Variants in CNBD1 observed in about 807,000 individuals in gnomAD.
CNBD1 encodes the protein cyclic nucleotide-binding domain-containing protein 1.
A neutral mutation model predicts 54.4 loss-of-function variants in CNBD1; 71 were observed. That is an observed-to-expected ratio of 1.30 (90% CI 1.08 to 1.59). CNBD1 has a LOEUF of 1.59. Among genes scored for constraint, CNBD1 ranks in the 40% most tolerant of loss-of-function variants. The pLI is 0.00. For missense variants in CNBD1, 659 were observed against 518.0 expected (o/e 1.27, Z -2.64); for synonymous variants, 182 against 170.7 (o/e 1.07, Z -0.51).
At chr8:87,372,509 T>C (rs996640012) in intron 10 of CNBD1, among the ~76,000 whole-genome samples, 1 of 151,914 alleles carries the variant, frequency 6.6e-6, no homozygotes, top group Admixed American at 6.6e-5. Flanking sequence ...CTGGGTTGAT[T>C]TTCTGTTTTA....
intron 6 of CNBD1, among the ~76,000 whole-genome samples, chr8:87,268,574 A>G (rs1423254458): frequency 7.9e-5 from 12 of 151,842 alleles, no homozygotes; most frequent in Admixed American, 7.9e-4. Flanking sequence ...GCATTGTGGG[A>G]ATGTAACCTC....
intron 4 of CNBD1, among the ~76,000 whole-genome samples, chr8:86,961,612 TC>T (rs978253618): frequency 2.0e-5 from 3 of 152,310 alleles, no homozygotes; most frequent in South Asian, 2.1e-4. Flanking sequence ...CCCTGGGATG[TC>T]CCCCTGTGGG....
chr8:87,062,592 C>T (rs1276285577), intron 4 of CNBD1, among the ~76,000 whole-genome samples: 1 of 151,980 alleles, frequency 6.6e-6, no homozygotes, highest in East Asian at 1.9e-4. Context: ...ACAAAATCAG[C>T]TGGGCATGGT....
At chr8:87,227,606 A>T (rs1814534173) in intron 5 of CNBD1, among the ~76,000 whole-genome samples, 1 of 127,018 alleles carries the variant, frequency 7.9e-6, no homozygotes. Flanking sequence ...CTGCCGAGAG[A>T]TCCGCTGTTA....
chr8:86,903,146 C>T (rs1017475432), intron 2 of CNBD1, among the ~76,000 whole-genome samples: 1 of 152,072 alleles, frequency 6.6e-6, no homozygotes, highest in African/African-American at 2.4e-5. Context: ...TTCTTGGACA[C>T]ACTACTTTTG....
intron 3 of CNBD1, among the ~76,000 whole-genome samples, chr8:86,929,281 C>G (rs956179617): frequency 1.3e-5 from 2 of 152,110 alleles, no homozygotes; most frequent in African/African-American, 4.8e-5. Flanking sequence ...CATATTGTAC[C>G]ATGGGCATGT....
intron 4 of CNBD1, among the ~76,000 whole-genome samples, chr8:86,978,757 C>T (rs1808402023): frequency 6.6e-6 from 1 of 151,860 alleles, no homozygotes; most frequent in Non-Finnish European, 1.5e-5. Flanking sequence ...TGGTCTCGAA[C>T]TCCCGACCTC....
intron 4 of CNBD1, among the ~76,000 whole-genome samples, chr8:87,164,179 C>T (rs1023474171): frequency 6.6e-6 from 1 of 151,762 alleles, no homozygotes; most frequent in Non-Finnish European, 1.5e-5. Context: ...TTTTAATATG[C>T]TATTGAATAT....
chr8:87,288,687 T>A (rs1042015728), intron 8 of CNBD1, among the ~76,000 whole-genome samples: 2 of 152,116 alleles, frequency 1.3e-5, no homozygotes, highest in African/African-American at 4.8e-5. Context: ...TTTGTAAATA[T>A]CTTGAAAAAT....
chr8:87,114,657 AT>A (rs1811734276), intron 4 of CNBD1, among the ~76,000 whole-genome samples: 1 of 152,084 alleles, frequency 6.6e-6, no homozygotes, highest in Non-Finnish European at 1.5e-5. Flanking sequence ...GCTGCCAATG[AT>A]TGACATTTGT....
intron 1 of CNBD1, among the ~76,000 whole-genome samples, chr8:86,869,235 G>A (rs185061370): frequency 7.2e-5 from 11 of 152,198 alleles, no homozygotes; most frequent in African/African-American, 2.2e-4. Flanking sequence ...AAATTAATAC[G>A]TGTTCCAGTT....
At chr8:87,293,121 T>G (rs1236707333) in intron 8 of CNBD1, among the ~76,000 whole-genome samples, 1 of 152,210 alleles carries the variant, frequency 6.6e-6, no homozygotes, top group Non-Finnish European at 1.5e-5. Context: ...TTTCAACATT[T>G]TTTCATTTCA....
chr8:86,905,086 G>C lies in CNBD1; in HGVS notation c.164G>C (p.Ser55Thr). ...ATTTCTCTCTTCTTTTTAAGCCGGAGTATGAGCAATATCTTATCAGCTCAC... is the reference window on the plus strand; with the variant it reads ...ATTTCTCTCTTCTTTTTAAGCCGGACTATGAGCAATATCTTATCAGCTCAC... ...LCHIRGQHSRSMSNILSAHDT... is the reference protein window; with the variant it reads ...LCHIRGQHSRTMSNILSAHDT... Residue 55 changes from serine (S) to threonine (T), a missense_variant, in exon 3 of 11, where the codon AGT becomes ACT. Coordinates refer to ENST00000518476, the MANE Select transcript of CNBD1 (RefSeq NM_173538.3). 6.3e-7 allele frequency: 1 copy of C among 1,597,114 alleles called. No individual in the cohort carries two copies. Among genetic ancestry groups the C allele is most frequent in the Non-Finnish European group, 8.6e-7 (1 of 1,166,930 alleles).
chr8:87,015,307 C>T (rs1396994934), intron 4 of CNBD1, among the ~76,000 whole-genome samples: 3 of 152,002 alleles, frequency 2.0e-5, no homozygotes, highest in Admixed American at 1.3e-4. Context: ...ATCAGCCTCC[C>T]GAGTAGCTGG....
At chr8:87,122,567 T>C (rs1174071229) in intron 4 of CNBD1, among the ~76,000 whole-genome samples, 1 of 151,896 alleles carries the variant, frequency 6.6e-6, no homozygotes, top group Non-Finnish European at 1.5e-5. Context: ...TATTTGTGCT[T>C]TCATTGCCTG....
intron 3 of CNBD1, among the ~76,000 whole-genome samples, chr8:86,927,941 C>A (rs529984458): frequency 6.6e-6 from 1 of 151,966 alleles, no homozygotes. Context: ...CTTGCAGGTT[C>A]CTCAGGGGGT....
chr8:87,040,549 A>G (rs2943178), intron 4 of CNBD1, among the ~76,000 whole-genome samples: 130,431 of 150,864 alleles, frequency 0.86, 56,819 homozygotes, highest in African/African-American at 0.97. Context: ...TCAGCCTCCC[A>G]TGTAGCTGGG....
chr8:87,378,262 T>C (rs1810993475), intron 10 of CNBD1, among the ~76,000 whole-genome samples: 1 of 144,544 alleles, frequency 6.9e-6, no homozygotes, highest in South Asian at 2.2e-4. Flanking sequence ...GCCTAGGTTT[T>C]CTTCTAGGGT....
At chr8:87,013,174 G>T (rs1037981748) in intron 4 of CNBD1, among the ~76,000 whole-genome samples, 5 of 152,154 alleles carry the variant, frequency 3.3e-5, no homozygotes, top group African/African-American at 1.2e-4. Context: ...AGTAGAACTG[G>T]TAAGTCCTTC....
Sources: allele counts gnomAD v4.1 joint callset (sites outside exome capture counted in the v4.1 genomes callset), GRCh38; gene constraint gnomAD v4.1.1; transcripts MANE v1.5; gene names NCBI Gene and HGNC (gene_info 2026-07-23, HGNC 2026-07-21).